The following CENPP variants were observed in gnomAD, a reference collection of about 807,000 sequenced individuals.
The protein encoded by CENPP is centromere protein P.
CENPP carries 24 observed loss-of-function variants against 35.6 expected under a neutral mutation model. That is an observed-to-expected ratio of 0.67 (90% confidence interval 0.49 to 0.95). CENPP has a LOEUF of 0.95. Among genes scored for constraint, CENPP ranks in the 40% least tolerant of loss-of-function variants. The pLI is 0.00. For missense variants in CENPP, 332 were observed against 345.3 expected (o/e 0.96, Z 0.31); for synonymous variants, 120 against 125.5 (o/e 0.96, Z 0.29).
At chr9:92,329,731 G>C (rs7867909) in intron 1 of CENPP, among the ~76,000 whole-genome samples, 61,535 of 151,920 alleles carry the variant, frequency 0.41, 14,727 homozygotes, top group African/African-American at 0.66. Context: ...TTTTGTGTGT[G>C]TGTGTGTGTG....
chr9:92,468,602 A>G (rs1463544268), intron 5 of CENPP, among the ~76,000 whole-genome samples: 1 of 152,222 alleles, frequency 6.6e-6, no homozygotes, highest in Non-Finnish European at 1.5e-5. Context: ...TAGAATGTCT[A>G]AAAAATAGTT....
At chr9:92,498,538 A>C (rs1846489977) in intron 5 of CENPP, among the ~76,000 whole-genome samples, 2 of 152,120 alleles carry the variant, frequency 1.3e-5, no homozygotes, top group African/African-American at 2.4e-5. Flanking sequence ...TGGAATTAAA[A>C]ATATTTAACA....
intron 5 of CENPP, among the ~76,000 whole-genome samples, chr9:92,425,943 A>C (rs1402198781): frequency 6.6e-6 from 1 of 152,258 alleles, no homozygotes; most frequent in Non-Finnish European, 1.5e-5. Context: ...GAAAATCAAC[A>C]GCCTAATGTT....
At chr9:92,555,988 TG>T (rs1849716024) in intron 5 of CENPP, among the ~76,000 whole-genome samples, 1 of 152,198 alleles carries the variant, frequency 6.6e-6, no homozygotes, top group African/African-American at 2.4e-5. Flanking sequence ...GACCTTAGAT[TG>T]TCTGTGCTCT....
chr9:92,372,516 TTTTC>T (rs1842033626), intron 4 of CENPP, among the ~76,000 whole-genome samples: 1 of 152,222 alleles, frequency 6.6e-6, no homozygotes, highest in African/African-American at 2.4e-5. Context: ...GCTTTGTATG[TTTTC>T]TTTACCAGTG....
At chr9:92,332,819 A>G (rs1270176419) in intron 2 of CENPP, among the ~76,000 whole-genome samples, 9 of 152,002 alleles carry the variant, frequency 5.9e-5, no homozygotes. Context: ...AACAAAAAAA[A>G]AAAGGGCTGC....
At chr9:92,359,733 G>A (rs1173515383) in intron 4 of CENPP, among the ~76,000 whole-genome samples, 1 of 152,014 alleles carries the variant, frequency 6.6e-6, no homozygotes, top group Non-Finnish European at 1.5e-5. Context: ...CTACACTTCT[G>A]TGATAAGAAG....
intron 5 of CENPP, among the ~76,000 whole-genome samples, chr9:92,526,356 A>G (rs1430179482): frequency 6.6e-6 from 1 of 152,260 alleles, no homozygotes; most frequent in Non-Finnish European, 1.5e-5. Context: ...GTTATTAAGA[A>G]GGAATTTTTT....
chr9:92,466,605 G>A, intron 5 of CENPP: 1 of 1,552,468 alleles, frequency 6.4e-7, no homozygotes, highest in Non-Finnish European at 8.9e-7. Flanking sequence ...ACAATATTAG[G>A]AAGTGGATTT....
At chr9:92,537,661 AAAAAG>A (rs151092338) in intron 5 of CENPP, among the ~76,000 whole-genome samples, 6,288 of 152,250 alleles carry the variant, frequency 0.041, 183 homozygotes, top group Non-Finnish European at 0.06. Context: ...CTACATCTCA[AAAAAG>A]AAAAGAAAAG....
intron 5 of CENPP, among the ~76,000 whole-genome samples, chr9:92,419,680 G>T (rs1254104001): frequency 1.3e-5 from 2 of 152,116 alleles, no homozygotes; most frequent in Non-Finnish European, 2.9e-5. Context: ...TACTTTGCAC[G>T]TTGAAAACTG....
chr9:92,510,768 A>G (rs1163758642), intron 5 of CENPP, among the ~76,000 whole-genome samples: 1 of 152,238 alleles, frequency 6.6e-6, no homozygotes, highest in East Asian at 1.9e-4. Flanking sequence ...CAAAGCAAGA[A>G]AAGGAGGTAA....
In CENPP at chr9:92,617,211, C is replaced by T. The variant is rs1441287112; in HGVS notation, c.*4062C>T. On this transcript the variant is annotated 3_prime_UTR_variant, in exon 8 of 8. Transcript: ENST00000375587. ...AAGGGGCCACATTTTATTGGGAGAA[C>T]CTCAGAAGCCCAAGGTACTGCTCAG... 6.6e-6 allele frequency: 1 copy of T among 152,194 alleles called. No individual in the cohort carries two copies. Among genetic ancestry groups the T allele is most frequent in the Non-Finnish European group, 1.5e-5 (1 of 68,060 alleles). The allele number at this position is 152,194 out of a possible 1,614,324, so 9.4% of individuals were successfully genotyped here.
chr9:92,573,900 G>A (rs1850214750), intron 5 of CENPP, among the ~76,000 whole-genome samples: 1 of 152,238 alleles, frequency 6.6e-6, no homozygotes, highest in Non-Finnish European at 1.5e-5. Context: ...CTCTGAGCCA[G>A]GCGCGGGATG....
rs564209461 is a variant in CENPP at position 92,619,001 on chromosome 9, GA to G, written c.*5853del. 254 of 249,242 alleles carry G rather than the reference GA, an allele frequency of 1.0e-3. No homozygotes were observed. Among genetic ancestry groups the G allele is most frequent in the African/African-American group, 5.1e-3 (231 of 44,920 alleles). 15.4% of individuals were successfully genotyped at this position (249,242 alleles called of 1,614,324 possible). ...TGGACAAAACTAGTGACATTAGGGA[GA>G]GGGGCGGCACATAGGCTGGTTATTC... On this transcript the variant is annotated 3_prime_UTR_variant, in exon 8 of 8. Transcript: ENST00000375587.
intron 4 of CENPP, 42 bp downstream of exon 4, chr9:92,345,829 A>C (rs1480522905): frequency 8.5e-7 from 1 of 1,181,506 alleles, no homozygotes; most frequent in Non-Finnish European, 1.2e-6. Context: ...GAAAAAAAGT[A>C]AATTTACACT....
intron 5 of CENPP, chr9:92,514,514 A>G (rs1193655193): frequency 8.8e-6 from 12 of 1,356,264 alleles, no homozygotes; most frequent in Non-Finnish European, 9.8e-6. Flanking sequence ...ACCTCAGGTG[A>G]TCTGGCCACC....
At chr9:92,363,590 C>G (rs570248490) in intron 4 of CENPP, among the ~76,000 whole-genome samples, 34 of 152,242 alleles carry the variant, frequency 2.2e-4, no homozygotes, top group African/African-American at 8.2e-4. Flanking sequence ...AATAAATCAT[C>G]TGACAATGCA....
At chr9:92,545,781 A>C (rs1271122902) in intron 5 of CENPP, among the ~76,000 whole-genome samples, 1 of 152,366 alleles carries the variant, frequency 6.6e-6, no homozygotes, top group East Asian at 1.9e-4. Flanking sequence ...TAGATATACC[A>C]GTCAGCACTC....
Sources: gnomAD v4.1 joint callset for allele counts (sites outside exome capture counted in the v4.1 genomes callset) on GRCh38, gnomAD v4.1.1 for gene constraint, MANE v1.5 for transcripts, NCBI Gene and HGNC (gene_info 2026-07-23, HGNC 2026-07-21) for gene names.